Variants in IL1RAPL1 observed in about 807,000 individuals in gnomAD.
The protein encoded by IL1RAPL1 is interleukin 1 receptor accessory protein like 1, also known as interleukin-1 receptor accessory protein-like 1.
IL1RAPL1 carries 3 observed loss-of-function variants against 48.4 expected under a neutral mutation model. The observed-to-expected ratio is 0.06, with a 90% CI of 0.03 to 0.16. The LOEUF (loss-of-function observed/expected upper bound fraction) is 0.16, where lower values mean the gene tolerates loss of function less well. Among genes scored for constraint, IL1RAPL1 ranks in the 10% least tolerant of loss-of-function variants. The pLI is 1.00. For missense variants in IL1RAPL1, 349 were observed against 530.6 expected, an observed-to-expected ratio of 0.66 and a Z score of 3.36; for synonymous variants, 185 against 187.7, an observed-to-expected ratio of 0.99 and a Z score of 0.12.
intron 2 of IL1RAPL1, among the ~76,000 whole-genome samples, chrX:29,000,300 C>T (rs1417842135): frequency 9.0e-6 from 1 of 111,618 alleles, no homozygotes; most frequent in African/African-American, 3.3e-5. Flanking sequence ...GAAGCTTATA[C>T]GAATTTTCAT....
At chrX:29,634,026 C>T (rs1301030746) in intron 5 of IL1RAPL1, among the ~76,000 whole-genome samples, 1 of 111,342 alleles carries the variant, frequency 9.0e-6, no homozygotes, top group African/African-American at 3.3e-5. Context: ...ATCATGATAG[C>T]GGAAATATAA....
At chrX:29,145,339 T>G (rs1254162071) in intron 2 of IL1RAPL1, among the ~76,000 whole-genome samples, 5 of 112,150 alleles carry the variant, frequency 4.5e-5, no homozygotes, top group African/African-American at 1.6e-4. Flanking sequence ...ACAAATCATC[T>G]TATTATCCAG....
At chrX:29,656,959 AT>A (rs1925701295) in intron 5 of IL1RAPL1, among the ~76,000 whole-genome samples, 1 of 110,535 alleles carries the variant, frequency 9.0e-6, no homozygotes, top group Non-Finnish European at 1.9e-5. Flanking sequence ...AGTCCTTCTC[AT>A]TTTGGCCTTG....
At chrX:28,822,786 G>A (rs1936950765) in intron 2 of IL1RAPL1, among the ~76,000 whole-genome samples, 1 of 111,932 alleles carries the variant, frequency 8.9e-6, no homozygotes, top group African/African-American at 3.2e-5. Context: ...GACAAGGGAT[G>A]GAAGGGGTGT....
chrX:28,767,618 CAT>C (rs764735554), intron 1 of IL1RAPL1, among the ~76,000 whole-genome samples: 46 of 110,401 alleles, frequency 4.2e-4, no homozygotes, highest in Admixed American at 2.7e-3. Flanking sequence ...AACATACACA[CAT>C]GTGTGTGTAT....
chrX:29,393,343 G>C (rs1019946107), intron 3 of IL1RAPL1, among the ~76,000 whole-genome samples: 6 of 111,802 alleles, frequency 5.4e-5, no homozygotes, highest in Non-Finnish European at 9.4e-5. Flanking sequence ...GGATGGTCTC[G>C]ATCTCCTGAC....
chrX:29,243,679 G>T lies in IL1RAPL1; in HGVS notation c.83-39259G>T. ...GTAATGATTACTTTTTCTCTTTCCT[G>T]CTGCTTTTCTATTTTATCTCTCATT... On this transcript the variant is annotated intron_variant, in intron 2 of 10. Transcript: ENST00000378993. 2.7e-5 allele frequency among the ~76,000 whole-genome samples: 3 copies of T among 111,365 alleles called. 1 individual carries two copies. The Middle Eastern group carries it at 0.014, about 518-fold the overall frequency.
intron 2 of IL1RAPL1, among the ~76,000 whole-genome samples, chrX:29,123,228 C>T (rs1378610492): frequency 9.1e-6 from 1 of 109,443 alleles, no homozygotes; most frequent in Admixed American, 9.9e-5. Context: ...CGGGGTTTCA[C>T]CATGGTGGCC....
At chrX:28,724,995 A>T (rs779377302) in intron 1 of IL1RAPL1, among the ~76,000 whole-genome samples, 1 of 89,972 alleles carries the variant, frequency 1.1e-5, no homozygotes, top group Admixed American at 1.4e-4. Flanking sequence ...TCTGTCCCCC[A>T]GGCTGGAGTG....
chrX:29,251,584 G>A (rs921591389), intron 2 of IL1RAPL1, among the ~76,000 whole-genome samples: 17 of 111,171 alleles, frequency 1.5e-4, no homozygotes, highest in African/African-American at 5.6e-4. Flanking sequence ...ATCTCTTTTT[G>A]ATAGGCTGGC....
intron 6 of IL1RAPL1, among the ~76,000 whole-genome samples, chrX:29,776,352 A>G (rs188119107): frequency 1.1e-4 from 12 of 110,964 alleles, no homozygotes; most frequent in African/African-American, 2.6e-4. Flanking sequence ...TGTATCCTCT[A>G]GCCTGTTGCT....
intron 2 of IL1RAPL1, among the ~76,000 whole-genome samples, chrX:29,084,558 G>C (rs1233570145): frequency 8.9e-6 from 1 of 112,058 alleles, no homozygotes; most frequent in African/African-American, 3.2e-5. Flanking sequence ...GAGGACTGTT[G>C]CTTTTGTATT....
intron 2 of IL1RAPL1, among the ~76,000 whole-genome samples, chrX:29,264,273 T>C (rs1931913844): frequency 8.9e-6 from 1 of 111,829 alleles, no homozygotes; most frequent in East Asian, 2.8e-4. Flanking sequence ...GAAGCAGAAA[T>C]GAGTGTTTCC....
intron 2 of IL1RAPL1, among the ~76,000 whole-genome samples, chrX:29,214,697 A>G (rs1240081359): frequency 9.0e-6 from 1 of 111,665 alleles, no homozygotes; most frequent in East Asian, 2.8e-4. Context: ...AGGAAGATAA[A>G]GAGAGAAAAT....
chrX:28,631,807 A>G (rs1219879007), intron 1 of IL1RAPL1, among the ~76,000 whole-genome samples: 2 of 112,323 alleles, frequency 1.8e-5, no homozygotes, highest in Non-Finnish European at 3.8e-5. Flanking sequence ...CCTTATTGGG[A>G]GACATAAGTA....
intron 2 of IL1RAPL1, among the ~76,000 whole-genome samples, chrX:28,988,681 G>C (rs192294528): frequency 3.6e-5 from 4 of 112,029 alleles, no homozygotes; most frequent in Non-Finnish European, 7.5e-5. Context: ...CTCTGTATTT[G>C]AAGAATAGAG....
At chrX:29,730,556 ATGATGTGTCACT>A (rs1388731749) in intron 6 of IL1RAPL1, among the ~76,000 whole-genome samples, 3 of 112,439 alleles carry the variant, frequency 2.7e-5, no homozygotes, top group African/African-American at 9.7e-5. Flanking sequence ...AGGTGAAGAC[ATGATGTGTCACT>A]TTTTAGGGCC....
intron 5 of IL1RAPL1, among the ~76,000 whole-genome samples, chrX:29,453,973 A>C (rs180776037): frequency 1.6e-3 from 180 of 112,569 alleles, no homozygotes; most frequent in African/African-American, 5.1e-3. Flanking sequence ...GGGAAAAGAT[A>C]ACATTAAGAC....
chrX:29,586,488 A>C (rs769145238), intron 5 of IL1RAPL1, among the ~76,000 whole-genome samples: 5 of 111,818 alleles, frequency 4.5e-5, no homozygotes, highest in Non-Finnish European at 9.4e-5. Context: ...TGAAACCTCT[A>C]ACATTTTCTT....
Sources: allele counts gnomAD v4.1 joint callset (sites outside exome capture counted in the v4.1 genomes callset), GRCh38; gene constraint gnomAD v4.1.1; transcripts MANE v1.5; gene names NCBI Gene and HGNC (gene_info 2026-07-23, HGNC 2026-07-21).